Variants in STAC observed in about 807,000 individuals in gnomAD.
STAC encodes SH3 and cysteine rich domain.
STAC carries 43 observed loss-of-function variants against 48.8 expected under a neutral mutation model. The observed-to-expected ratio is 0.88, with a 90% CI of 0.69 to 1.14. The LOEUF (loss-of-function observed/expected upper bound fraction) is 1.14. STAC is among the 50% of genes most tolerant of loss of function. The pLI is 0.00. For missense variants in STAC, 497 were observed against 504.0 expected (o/e 0.99, Z 0.13); for synonymous variants, 193 against 179.5 (o/e 1.07, Z -0.60).
At chr3:36,422,566 A>G (rs1171316623) in intron 1 of STAC, among the ~76,000 whole-genome samples, 1 of 152,180 alleles carries the variant, frequency 6.6e-6, no homozygotes, top group Non-Finnish European at 1.5e-5. Context: ...CAATTTTTTA[A>G]TAAATATGTA....
At chr3:36,383,137 A>T (rs58163920) in intron 1 of STAC, among the ~76,000 whole-genome samples, 28,978 of 152,182 alleles carry the variant, frequency 0.19, 3,361 homozygotes, top group Non-Finnish European at 0.24. Flanking sequence ...CTACTAATAA[A>T]ACTTTGATCT....
rs376497134 is a variant in STAC, at chr3:36,381,024, GT to G, written c.111+278del. Among the ~76,000 whole-genome samples the G allele has an allele frequency of 1.9e-4, 29 of 151,928 alleles. No homozygotes were observed. In the East Asian group the frequency reaches 2.7e-3, roughly 14 times the overall value. Reference sequence around the variant, plus strand: ...CGATTTCTTGCGGGGTGGTAGCTTGGTTTTTTTTGTGCTTTGAACCTGCTTG... The same window carrying G: ...CGATTTCTTGCGGGGTGGTAGCTTGGTTTTTTTGTGCTTTGAACCTGCTTG... On this transcript the variant is annotated intron_variant, in intron 1 of 10. Coordinates refer to ENST00000273183, the MANE Select transcript of STAC (RefSeq NM_003149.3).
chr3:36,488,846 C>T (rs1327846877), intron 5 of STAC, among the ~76,000 whole-genome samples: 4 of 152,132 alleles, frequency 2.6e-5, no homozygotes, highest in Non-Finnish European at 4.4e-5. Context: ...TAAAGAAAGG[C>T]TTTGCGCCAC....
At chr3:36,383,162 T>C (rs1699549915) in intron 1 of STAC, among the ~76,000 whole-genome samples, 1 of 152,220 alleles carries the variant, frequency 6.6e-6, no homozygotes, top group East Asian at 1.9e-4. Context: ...CTCATGTCTT[T>C]TTAAATCTGT....
intron 2 of STAC, among the ~76,000 whole-genome samples, chr3:36,451,075 G>C (rs887618011): frequency 3.9e-5 from 6 of 151,964 alleles, no homozygotes; most frequent in African/African-American, 1.5e-4. Context: ...TGAAATATTT[G>C]GCTTTCCTTC....
intron 10 of STAC, among the ~76,000 whole-genome samples, chr3:36,544,534 C>T (rs1375877293): frequency 3.3e-5 from 5 of 152,054 alleles, no homozygotes; most frequent in Admixed American, 2.6e-4. Flanking sequence ...TACAAGTTTT[C>T]ATTCTGATTA....
At chr3:36,447,615 C>A (rs1489861757) in intron 2 of STAC, among the ~76,000 whole-genome samples, 1 of 151,306 alleles carries the variant, frequency 6.6e-6, no homozygotes, top group Non-Finnish European at 1.5e-5. Context: ...ATTAATCAAA[C>A]CTTGAATGGA....
At chr3:36,534,702 T>A (rs546031105) in intron 10 of STAC, among the ~76,000 whole-genome samples, 7 of 152,204 alleles carry the variant, frequency 4.6e-5, no homozygotes, top group African/African-American at 1.7e-4. Context: ...CTCCTCTTCC[T>A]CCTCCTCCTT....
At chr3:36,515,948 C>CAAGCTT in intron 8 of STAC, among the ~76,000 whole-genome samples, 2 of 150,514 alleles carry the variant, frequency 1.3e-5, no homozygotes, top group East Asian at 3.9e-4. Flanking sequence ...ACTCAGATCC[C>CAAGCTT]AAGCTTAACA....
At chr3:36,459,976 A>C (rs1247611301) in intron 2 of STAC, among the ~76,000 whole-genome samples, 1 of 152,090 alleles carries the variant, frequency 6.6e-6, no homozygotes, top group Non-Finnish European at 1.5e-5. Context: ...ACTTCAAAGA[A>C]CCATGTTAGA....
chr3:36,483,191 G>A, intron 3 of STAC, 99 bp downstream of exon 3: 1 of 879,780 alleles, frequency 1.1e-6, no homozygotes, highest in Non-Finnish European at 1.8e-6. Flanking sequence ...CTGAAACCCT[G>A]AGCAAAGCAC....
intron 1 of STAC, among the ~76,000 whole-genome samples, chr3:36,410,959 G>C (rs1051289658): frequency 6.6e-6 from 1 of 152,142 alleles, no homozygotes; most frequent in African/African-American, 2.4e-5. Flanking sequence ...ATGTCTAATA[G>C]TCAACACAAA....
intron 1 of STAC, among the ~76,000 whole-genome samples, chr3:36,421,065 C>T (rs999141535): frequency 6.6e-6 from 1 of 152,152 alleles, no homozygotes; most frequent in Non-Finnish European, 1.5e-5. Context: ...AGATTTCTTT[C>T]TTTGTAGTTT....
intron 1 of STAC, among the ~76,000 whole-genome samples, chr3:36,427,987 T>G (rs1035536826): frequency 1.3e-5 from 2 of 152,094 alleles, no homozygotes; most frequent in African/African-American, 2.4e-5. Flanking sequence ...CAAAAAACAA[T>G]GAAAAGCTGA....
At chr3:36,469,599 C>T (rs548944650) in intron 2 of STAC, among the ~76,000 whole-genome samples, 15 of 152,246 alleles carry the variant, frequency 9.9e-5, no homozygotes, top group Middle Eastern at 3.4e-3. Context: ...GTTCTTTGAG[C>T]TTCTTGTATT....
intron 1 of STAC, among the ~76,000 whole-genome samples, chr3:36,430,838 A>G (rs1191686612): frequency 6.6e-5 from 10 of 152,074 alleles, no homozygotes; most frequent in Admixed American, 6.5e-5. Context: ...GTGTGTCCAA[A>G]TTTCCTCTTC....
chr3:36,440,199 G>C (rs1696304074), intron 1 of STAC, among the ~76,000 whole-genome samples: 1 of 152,212 alleles, frequency 6.6e-6, no homozygotes, highest in African/African-American at 2.4e-5. Flanking sequence ...CCTGACTTCA[G>C]GAGGGCAAAT....
At chr3:36,492,991 G>A (rs1457274869) in intron 5 of STAC, among the ~76,000 whole-genome samples, 160 bp from the exon 6 acceptor site, 1 of 152,176 alleles carries the variant, frequency 6.6e-6, no homozygotes, top group Non-Finnish European at 1.5e-5. Context: ...CCCACGAGTG[G>A]ACATAGCTTC....
chr3:36,460,577 G>C (rs937073311), intron 2 of STAC, among the ~76,000 whole-genome samples: 2 of 152,168 alleles, frequency 1.3e-5, no homozygotes, highest in African/African-American at 4.8e-5. Flanking sequence ...GAGAAGGGGT[G>C]CTGCCGGCAT....
Sources: allele counts gnomAD v4.1 joint callset (sites outside exome capture counted in the v4.1 genomes callset), GRCh38; gene constraint gnomAD v4.1.1; transcripts MANE v1.5; gene names NCBI Gene and HGNC (gene_info 2026-07-23, HGNC 2026-07-21).